GTF3C1: variants seen among roughly 807,000 people sequenced by gnomAD.
The protein encoded by GTF3C1 is general transcription factor IIIC subunit 1, also known as general transcription factor 3C polypeptide 1.
In GTF3C1, 57 loss-of-function variants were observed where a neutral mutation model predicts 226.7. The ratio of observed to expected loss-of-function variants is 0.25; its 90% CI spans 0.20 to 0.31. The LOEUF (loss-of-function observed/expected upper bound fraction) is 0.31, where lower values mean the gene tolerates loss of function less well. GTF3C1 is among the 10% of genes least tolerant of loss of function. GTF3C1 has a pLI of 1.00. For synonymous variants in GTF3C1, 1,090 were observed against 1,084.8 expected (o/e 1.00, Z -0.09); for missense variants, 2,217 against 2,776.1 (o/e 0.80, Z 4.53).
intron 1 of GTF3C1, among the ~76,000 whole-genome samples, chr16:27,546,678 T>C (rs1411592036): frequency 1.3e-5 from 2 of 152,076 alleles, no homozygotes; most frequent in East Asian, 3.9e-4. Flanking sequence ...ACTCATATCC[T>C]ACACTAGTCT....
chr16:27,470,498 CA>C lies in GTF3C1; in HGVS notation c.4527-104del. Reference sequence around the variant, plus strand: ...TCAAACCATTATGGTGAGAACTAAGCAAAACGCCCCACTTCTTCCCTAAAGC... The same window carrying C: ...TCAAACCATTATGGTGAGAACTAAGCAAACGCCCCACTTCTTCCCTAAAGC... On this transcript the variant is annotated intron_variant, in intron 30 of 36. Coordinates refer to ENST00000356183, the MANE Select transcript of GTF3C1 (RefSeq NM_001520.4). The surrounding 1 kb of genome is among the most constrained non-coding windows in gnomAD (Gnocchi z 4.9). The C allele has an allele frequency of 1.2e-6, 1 of 851,620 alleles. No homozygotes were observed. 52.8% of individuals were successfully genotyped at this position (851,620 alleles called of 1,614,324 possible).
Position 27,464,511 on chromosome 16 carries a change from G to A in GTF3C1, c.5681C>T (p.Ala1894Val), listed in dbSNP as rs759590490. The A allele has an allele frequency of 1.1e-5, 17 of 1,522,770 alleles. No homozygotes were observed. The East Asian group carries it at 3.6e-4, about 32-fold the overall frequency. The allele number at this position is 1,522,770 out of a possible 1,614,324, so 94.3% of individuals were successfully genotyped here. The change falls in exon 34 of 37, where the codon GCC (alanine) becomes GTC (valine). Residue 1894 changes from alanine (A) to valine (V), a missense_variant. Ala to Val is a moderately conservative substitution (Grantham distance 64). Around this residue, in one of 12 missense-constraint regions of GTF3C1, gnomAD observed 455 missense variants for 441.9 expected, o/e 1.03. Transcript: ENST00000356183. ...TTCAGCTCCGGGCCCAAGGCTGGGG[G>A]CCAAATTTGAGTCCTGGAGCGCTGG... ...KRPALQDSNL[A>V]PSLGPGAEDG...
intron 2 of GTF3C1, among the ~76,000 whole-genome samples, chr16:27,544,924 G>A (rs572253077): frequency 6.6e-6 from 1 of 152,138 alleles, no homozygotes; most frequent in Admixed American, 6.5e-5. Context: ...AGATCCAAGT[G>A]CTCTGACTAC....
At chr16:27,472,137 C>A (rs893251272) in intron 29 of GTF3C1, among the ~76,000 whole-genome samples, 3 of 152,036 alleles carry the variant, frequency 2.0e-5, no homozygotes, top group Non-Finnish European at 4.4e-5. Flanking sequence ...ATTCTCGGAC[C>A]ACCACGTCAC....
chr16:27,513,188 C>T (rs1488824284), intron 6 of GTF3C1, among the ~76,000 whole-genome samples: 1 of 152,082 alleles, frequency 6.6e-6, no homozygotes, highest in Non-Finnish European at 1.5e-5. Flanking sequence ...CATGGTGGCT[C>T]ACATCTGTAA....
chr16:27,528,292 AAAG>A (rs1596654456), intron 6 of GTF3C1, among the ~76,000 whole-genome samples: 1 of 152,158 alleles, frequency 6.6e-6, no homozygotes, highest in Non-Finnish European at 1.5e-5. Flanking sequence ...AAAAAAAGAA[AAAG>A]AAGGAGACTA....
At chr16:27,474,231 C>T (rs2087919587) in intron 29 of GTF3C1, among the ~76,000 whole-genome samples, 1 of 152,196 alleles carries the variant, frequency 6.6e-6, no homozygotes, top group African/African-American at 2.4e-5. Flanking sequence ...CTACGCAGGC[C>T]GGTGGTCTTT....
chr16:27,465,147 A>G, intron 33 of GTF3C1, 113 bp downstream of exon 33: 1 of 974,568 alleles, frequency 1.0e-6, no homozygotes, highest in African/African-American at 1.6e-5. Context: ...TTCAACGTTT[A>G]AAAAGAACGC....
In GTF3C1 at chr16:27,476,606, G is replaced by T. The variant is rs2087954480; in HGVS notation, c.4260-62C>A. 4.3e-6 allele frequency: 4 copies of T among 922,238 alleles called. No individual in the cohort carries two copies. In the Admixed American group the frequency reaches 6.2e-5, roughly 14 times the overall value. The allele number at this position is 922,238 out of a possible 1,614,324, so 57.1% of individuals were successfully genotyped here. A position where few individuals can be genotyped will look rare whatever the true frequency, so the allele number is the denominator to read the frequency against. ...CAGGCACTGCTCAGCTCAGGCAGAT[G>T]CAATTCTTAGGGAAAAAAACTTGAA... On this transcript the variant is annotated intron_variant, in intron 28 of 36. Transcript: ENST00000356183.
chr16:27,464,808 T>C lies in GTF3C1; in HGVS notation c.5384A>G (p.Glu1795Gly). 1 of 1,521,354 alleles carries C rather than the reference T, an allele frequency of 6.6e-7. No homozygotes were observed. 94.2% of individuals were successfully genotyped at this position (1,521,354 alleles called of 1,614,324 possible). ...CAGGCGCGCAGTGTTGCCACCGACC[T>C]CCAGCACCTGATGCTGCTCCAGGAG... ...QALLEQHQVL[E>G]VGGNTARLVA... The change falls in exon 34 of 37, where the codon GAG becomes GGG. Residue 1795 changes from glutamate (E) to glycine (G), a missense_variant. Glu to Gly is a moderately conservative substitution (Grantham distance 98, BLOSUM62 -2). Around this residue, in one of 12 missense-constraint regions of GTF3C1, gnomAD observed 455 missense variants for 441.9 expected, o/e 1.03. Coordinates refer to ENST00000356183, the MANE Select transcript of GTF3C1 (RefSeq NM_001520.4).
In GTF3C1 at chr16:27,462,553, C is replaced by A. The variant is rs1444639308; in HGVS notation, c.5925-67G>T. The stretch of plus-strand genomic sequence containing the variant: ...GAGGGCAGCTCGTCCAGACAGAACA[C>A]TGAGGCTCAGGGGCGTCCTAGGCCT... On this transcript the variant is annotated intron_variant, in intron 35 of 36. Transcript: ENST00000356183. This position sits in a 1 kb window ranked among gnomAD's most constrained non-coding sequence, Gnocchi z 4.5. 2.3e-6 allele frequency: 3 copies of A among 1,288,680 alleles called. No homozygotes were observed. The highest frequency in any genetic ancestry group is 3.3e-6 in the Non-Finnish European group (3 of 900,732). The allele number at this position is 1,288,680 out of a possible 1,614,324, so 79.8% of individuals were successfully genotyped here. A position where few individuals can be genotyped will look rare whatever the true frequency, so the allele number is the denominator to read the frequency against.
chr16:27,504,229 C>G (rs1228732940), intron 10 of GTF3C1, among the ~76,000 whole-genome samples: 1 of 152,160 alleles, frequency 6.6e-6, no homozygotes, highest in Non-Finnish European at 1.5e-5. Context: ...GGACTTCCAT[C>G]AGAGAGAGGA....
intron 34 of GTF3C1, 176 bp downstream of exon 34, chr16:27,464,144 C>A: frequency 2.2e-6 from 1 of 458,302 alleles, no homozygotes; most frequent in Non-Finnish European, 3.8e-6. Context: ...CCTGGAAATG[C>A]ATTTACAGGC....
intron 24 of GTF3C1, among the ~76,000 whole-genome samples, chr16:27,484,650 C>T (rs536804061): frequency 1.3e-5 from 2 of 152,278 alleles, no homozygotes; most frequent in South Asian, 4.1e-4. Context: ...TGAAAGGGCG[C>T]TGTATTAGAG....
At chr16:27,530,374 T>A (rs887896912) in intron 5 of GTF3C1, among the ~76,000 whole-genome samples, 1 of 152,148 alleles carries the variant, frequency 6.6e-6, no homozygotes, top group African/African-American at 2.4e-5. Flanking sequence ...CCTTGACATA[T>A]GGCACTAAGC....
Position 27,463,931 on chromosome 16 carries a change from C to T in GTF3C1, c.5873-339G>A, listed in dbSNP as rs749167032. On this transcript the variant is annotated intron_variant, in intron 34 of 36. Coordinates refer to ENST00000356183, the MANE Select transcript of GTF3C1 (RefSeq NM_001520.4). The surrounding 1 kb of genome is among the most constrained non-coding windows in gnomAD (Gnocchi z 4.9). ...AAAAACACCCCAAAGAAAACAAAAA[C>T]GCCCAGAGAAGCCACATGAGAAGGC... 2.5e-4 allele frequency: 103 copies of T among 415,782 alleles called. No individual in the cohort carries two copies. The highest frequency in any genetic ancestry group is 6.3e-4 in the Middle Eastern group (1 of 1,594). The allele number at this position is 415,782 out of a possible 1,614,324, so 25.8% of individuals were successfully genotyped here.
rs2088241640 is a variant in GTF3C1 at position 27,492,120 on chromosome 16, T to C, written c.3151+218A>G. Reference sequence around the variant, plus strand: ...ACAAATGAAGACAAAGTGCAGCTACTTGGGCTCAACTGAGTGGGGGAACCG... The same window carrying C: ...ACAAATGAAGACAAAGTGCAGCTACCTGGGCTCAACTGAGTGGGGGAACCG... On this transcript the variant is annotated intron_variant, in intron 19 of 36. Transcript: ENST00000356183. The surrounding 1 kb of genome is among the most constrained non-coding windows in gnomAD (Gnocchi z 5.0). Among the ~76,000 whole-genome samples the C allele has an allele frequency of 6.6e-6, 1 of 152,208 alleles. No homozygotes were observed. The highest frequency in any genetic ancestry group is 6.5e-5 in the Admixed American group (1 of 15,276).
intron 6 of GTF3C1, among the ~76,000 whole-genome samples, chr16:27,526,078 G>A (rs2088829449): frequency 6.6e-6 from 1 of 152,198 alleles, no homozygotes; most frequent in Admixed American, 6.5e-5. Context: ...CAGGGAGCTT[G>A]CAGGGGCTAT....
chr16:27,506,258 TTGG>T, intron 9 of GTF3C1, 142 bp from the exon 10 acceptor site: 1 of 601,664 alleles, frequency 1.7e-6, no homozygotes, highest in South Asian at 2.0e-5. Context: ...CAGCAGCAGC[TTGG>T]GCCCCTCCTT....
Sources: gnomAD v4.1 joint callset for allele counts (sites outside exome capture counted in the v4.1 genomes callset) on GRCh38, gnomAD v4.1.1 for gene constraint, gnomAD v4.1.1 regional missense constraint, Gnocchi (gnomAD v3.1) non-coding constraint, MANE v1.5 for transcripts, NCBI Gene and HGNC (gene_info 2026-07-23, HGNC 2026-07-21) for gene names.